TANC2: variants seen among roughly 807,000 people sequenced by gnomAD.
TANC2 encodes tetratricopeptide repeat, ankyrin repeat and coiled-coil containing 2, also known as protein TANC2.
In TANC2, 26 loss-of-function variants were observed where a neutral mutation model predicts 210.5. The observed-to-expected ratio is 0.12, with a 90% confidence interval of 0.09 to 0.17. The LOEUF (loss-of-function observed/expected upper bound fraction) is 0.17, where lower values mean the gene tolerates loss of function less well. Among genes scored for constraint, TANC2 ranks in the 10% least tolerant of loss-of-function variants. The pLI is 1.00. For missense variants in TANC2, 2,129 were observed against 2,608.9 expected, an observed-to-expected ratio of 0.82 and a Z score of 4.01; for synonymous variants, 931 against 967.1, an observed-to-expected ratio of 0.96 and a Z score of 0.69.
chr17:63,230,108 T>C (rs572371652), intron 7 of TANC2, among the ~76,000 whole-genome samples: 16 of 152,346 alleles, frequency 1.1e-4, no homozygotes, highest in Admixed American at 9.2e-4. Flanking sequence ...GTTGTTTGTA[T>C]TTCTGTGGGG....
intron 9 of TANC2, among the ~76,000 whole-genome samples, chr17:63,275,881 C>T (rs747390872): frequency 1.5e-4 from 23 of 152,066 alleles, no homozygotes; most frequent in Admixed American, 2.6e-4. Context: ...CAAGATATCT[C>T]ACTGGAAATA....
intron 14 of TANC2, among the ~76,000 whole-genome samples, chr17:63,378,086 T>C (rs1467337225): frequency 1.3e-5 from 2 of 151,866 alleles, no homozygotes; most frequent in Admixed American, 6.6e-5. Flanking sequence ...GGACACAGAG[T>C]CAAAGCATAT....
intron 11 of TANC2, among the ~76,000 whole-genome samples, chr17:63,322,741 C>T (rs2045535830): frequency 6.6e-6 from 1 of 152,154 alleles, no homozygotes; most frequent in South Asian, 2.1e-4. Flanking sequence ...ATGATAAGTG[C>T]TAAGATCACA....
chr17:63,130,562 G>C (rs749605033), intron 4 of TANC2, among the ~76,000 whole-genome samples: 1 of 151,586 alleles, frequency 6.6e-6, no homozygotes, highest in Non-Finnish European at 1.5e-5. Context: ...TTTATTTGCT[G>C]TTTTGTTAAT....
exon 13 of TANC2, chr17:63,351,325 A>T: frequency 6.2e-7 from 1 of 1,611,218 alleles, no homozygotes; most frequent in Non-Finnish European, 8.5e-7. Flanking sequence ...AAACCGGATT[A>T]TGGGGATACA....
At chr17:63,326,728 A>AAAC (rs371073434) in intron 11 of TANC2, among the ~76,000 whole-genome samples, 3,594 of 152,016 alleles carry the variant, frequency 0.024, 58 homozygotes, top group Non-Finnish European at 0.038. Flanking sequence ...AGACTGTCAA[A>AAAC]AACAACAACA....
chr17:63,136,081 A>G (rs1294834087), intron 4 of TANC2, among the ~76,000 whole-genome samples: 1 of 152,228 alleles, frequency 6.6e-6, no homozygotes, highest in Non-Finnish European at 1.5e-5. Context: ...TGCAGGCCAT[A>G]GTAATTTGCC....
chr17:63,069,241 T>C (rs964477311), intron 2 of TANC2, among the ~76,000 whole-genome samples: 2 of 152,174 alleles, frequency 1.3e-5, no homozygotes, highest in African/African-American at 4.8e-5. Flanking sequence ...TATGAACATA[T>C]TTCTCAGCTA....
chr17:63,338,420 T>C (rs968888348), intron 11 of TANC2, among the ~76,000 whole-genome samples: 5 of 152,224 alleles, frequency 3.3e-5, no homozygotes, highest in African/African-American at 1.2e-4. Context: ...TACTTTAGGA[T>C]GTTGCAGCTG....
intron 12 of TANC2, among the ~76,000 whole-genome samples, chr17:63,348,315 C>G (rs1219099453): frequency 6.6e-6 from 1 of 152,134 alleles, no homozygotes; most frequent in African/African-American, 2.4e-5. Context: ...AATGGAACTA[C>G]TAAGGAAGAA....
At chr17:63,405,702 C>G (rs750323839) in intron 20 of TANC2, among the ~76,000 whole-genome samples, 2 of 152,158 alleles carry the variant, frequency 1.3e-5, no homozygotes, top group Non-Finnish European at 2.9e-5. Context: ...GGAAAGCACA[C>G]TGATAATAAT....
chr17:63,242,896 A>G (rs1406666161), intron 8 of TANC2, among the ~76,000 whole-genome samples: 2 of 152,200 alleles, frequency 1.3e-5, no homozygotes, highest in Non-Finnish European at 2.9e-5. Flanking sequence ...TATATGCTAT[A>G]TGATTCCATT....
chr17:63,175,272 C>A (rs2040536964), intron 5 of TANC2, among the ~76,000 whole-genome samples: 1 of 152,092 alleles, frequency 6.6e-6, no homozygotes, highest in African/African-American at 2.4e-5. Flanking sequence ...TCATACCATA[C>A]ACAAAAGTTA....
At chr17:63,373,525 A>G (rs528191952) in intron 14 of TANC2, among the ~76,000 whole-genome samples, 1 of 152,338 alleles carries the variant, frequency 6.6e-6, no homozygotes, top group East Asian at 1.9e-4. Flanking sequence ...ACTAGATTTC[A>G]AAAACACTGA....
At chr17:63,370,522 C>A (rs996024304) in intron 14 of TANC2, among the ~76,000 whole-genome samples, 1 of 152,318 alleles carries the variant, frequency 6.6e-6, no homozygotes, top group Non-Finnish European at 1.5e-5. Context: ...TCTATCCATC[C>A]TCTGTTAGCA....
At chr17:62,999,502 A>G (rs1008855950) in intron 1 of TANC2, among the ~76,000 whole-genome samples, 1 of 152,140 alleles carries the variant, frequency 6.6e-6, no homozygotes, top group Non-Finnish European at 1.5e-5. Context: ...AGACCTAACT[A>G]TTTTAAACGT....
chr17:63,285,954 C>A (rs2044208294), intron 9 of TANC2, among the ~76,000 whole-genome samples: 1 of 152,110 alleles, frequency 6.6e-6, no homozygotes, highest in South Asian at 2.1e-4. Context: ...CAGACTCCTG[C>A]CAAGAGTCAA....
chr17:63,082,288 G>A (rs1332239767), intron 3 of TANC2, among the ~76,000 whole-genome samples: 1 of 152,172 alleles, frequency 6.6e-6, no homozygotes, highest in African/African-American at 2.4e-5. Flanking sequence ...AAGTCTTTTT[G>A]AAGGGTCATA....
intron 1 of TANC2, among the ~76,000 whole-genome samples, chr17:63,001,888 G>A (rs1329868510): frequency 6.6e-6 from 1 of 151,732 alleles, no homozygotes; most frequent in Non-Finnish European, 1.5e-5. Context: ...ATGGACAATG[G>A]TATACAAACA....
Sources: allele counts gnomAD v4.1 joint callset (sites outside exome capture counted in the v4.1 genomes callset), GRCh38; gene constraint gnomAD v4.1.1; transcripts MANE v1.5; gene names NCBI Gene and HGNC (gene_info 2026-07-23, HGNC 2026-07-21).